Variants in SEC24D observed in about 807,000 individuals in gnomAD.
The protein encoded by SEC24D is SEC24 homolog D, COPII component.
SEC24D carries 69 observed loss-of-function variants against 116.9 expected under a neutral mutation model. The observed-to-expected ratio is 0.59, with a 90% CI of 0.49 to 0.72. The LOEUF is 0.72. SEC24D is among the 30% of genes least tolerant of loss of function. The probability of loss-of-function intolerance (pLI) is 0.00; values close to 1 mark genes in which losing one functional copy is unlikely to be tolerated. For missense variants in SEC24D, 1,131 were observed against 1,264.1 expected (o/e 0.89, Z 1.60); for synonymous variants, 405 against 442.8 (o/e 0.91, Z 1.07).
At position 118,750,863 on chromosome 4, in the gene SEC24D, T is replaced by C. The variant is rs545514339; in HGVS notation, c.1707+1133A>G. On this transcript the variant is annotated intron_variant, in intron 13 of 22. Transcript: ENST00000280551. Reference sequence around the variant, plus strand: ...AATTGACATATATTCTGAGACTTTTTGAGTGATATCCACAATAGTCTTTGA... The same window carrying C: ...AATTGACATATATTCTGAGACTTTTCGAGTGATATCCACAATAGTCTTTGA... 9.9e-5 allele frequency among the ~76,000 whole-genome samples: 15 copies of C among 152,148 alleles called. 1 individual carries two copies. In the South Asian group the frequency reaches 2.1e-3, roughly 21 times the overall value.
At chr4:118,739,414 A>G in intron 17 of SEC24D, 127 bp from the exon 18 acceptor site, 2 of 809,564 alleles carry the variant, frequency 2.5e-6, no homozygotes, top group Non-Finnish European at 3.7e-6. Context: ...ATTTTTCCAC[A>G]GTTTTTTTTC....
chr4:118,732,293 C>T (rs1452752065), intron 20 of SEC24D, among the ~76,000 whole-genome samples: 11 of 152,138 alleles, frequency 7.2e-5, no homozygotes, highest in South Asian at 6.2e-4. Context: ...CATACCACCA[C>T]GCCCGGCTAA....
intron 8 of SEC24D, among the ~76,000 whole-genome samples, chr4:118,785,707 C>T (rs1728638933): frequency 6.6e-6 from 1 of 152,154 alleles, no homozygotes; most frequent in Non-Finnish European, 1.5e-5. Context: ...TACCATGCAA[C>T]ATTCCTTTAA....
At chr4:118,768,391 G>A (rs1727743866) in intron 8 of SEC24D, 80 bp from the exon 9 acceptor site, 3 of 939,846 alleles carry the variant, frequency 3.2e-6, no homozygotes, top group Middle Eastern at 2.3e-4. Context: ...TCTTTTAATG[G>A]CACTTTTTTT....
At chr4:118,818,294 A>C (rs975218330) in intron 3 of SEC24D, among the ~76,000 whole-genome samples, 2 of 152,182 alleles carry the variant, frequency 1.3e-5, no homozygotes, top group Non-Finnish European at 2.9e-5. Flanking sequence ...TGAAAACTGG[A>C]AACTATTTCC....
chr4:118,743,880 A>G (rs1726358148), intron 15 of SEC24D, 108 bp downstream of exon 15: 8 of 973,720 alleles, frequency 8.2e-6, no homozygotes, highest in Non-Finnish European at 1.2e-5. Context: ...TCTTGAATTT[A>G]TATGTGTCAT....
At chr4:118,814,902 C>T in intron 6 of SEC24D, 126 bp downstream of exon 6, 1 of 1,047,434 alleles carries the variant, frequency 9.5e-7, no homozygotes, top group Non-Finnish European at 1.4e-6. Flanking sequence ...AGCCTTCCCT[C>T]TATGTGATGA....
chr4:118,811,502 C>A (rs186632552), intron 6 of SEC24D, among the ~76,000 whole-genome samples: 14 of 152,324 alleles, frequency 9.2e-5, no homozygotes, highest in African/African-American at 3.4e-4. Flanking sequence ...TTTAAACAGG[C>A]AGGCTTTGAG....
intron 19 of SEC24D, chr4:118,733,353 CATAT>C (rs1216169801): frequency 2.7e-5 from 4 of 149,740 alleles, no homozygotes; most frequent in South Asian, 2.1e-4. Context: ...TAGGATATAC[CATAT>C]ATATATGTTT....
chr4:118,774,624 G>A (rs1010889924), intron 8 of SEC24D, among the ~76,000 whole-genome samples: 2 of 151,992 alleles, frequency 1.3e-5, no homozygotes, highest in Non-Finnish European at 2.9e-5. Context: ...TTGCAGACTG[G>A]ATCTGTAGAA....
intron 3 of SEC24D, among the ~76,000 whole-genome samples, chr4:118,820,180 T>A (rs142179466): frequency 1.4e-4 from 20 of 140,226 alleles, no homozygotes; most frequent in Non-Finnish European, 1.6e-4. Flanking sequence ...TAGTTTAATT[T>A]TTTTTTTTTT....
At chr4:118,744,431 G>A (rs1244802324) in intron 14 of SEC24D, among the ~76,000 whole-genome samples, 1 of 152,208 alleles carries the variant, frequency 6.6e-6, no homozygotes. Context: ...AGCTGATACT[G>A]CAGCCCTTAC....
chr4:118,778,859 T>C (rs9685007), intron 8 of SEC24D, among the ~76,000 whole-genome samples: 44,112 of 152,024 alleles, frequency 0.29, 7,152 homozygotes, highest in Non-Finnish European at 0.37. Flanking sequence ...ATTCTCTTTG[T>C]AGCAACTGTG....
intron 11 of SEC24D, among the ~76,000 whole-genome samples, chr4:118,756,139 C>T (rs1440992573): frequency 6.6e-6 from 1 of 151,910 alleles, no homozygotes; most frequent in Non-Finnish European, 1.5e-5. Flanking sequence ...AGACCATTTC[C>T]AGCAATTAGA....
At chr4:118,810,135 T>TGTGTGTGC in intron 6 of SEC24D, among the ~76,000 whole-genome samples, 1 of 113,574 alleles carries the variant, frequency 8.8e-6, no homozygotes, top group African/African-American at 2.8e-5. Flanking sequence ...TGTGTGTGTG[T>TGTGTGTGC]GTCAGAGGGT....
At chr4:118,734,255 C>G (rs1413547211) in intron 19 of SEC24D, among the ~76,000 whole-genome samples, 3 of 151,204 alleles carry the variant, frequency 2.0e-5, no homozygotes, top group Non-Finnish European at 4.4e-5. Context: ...ACTCTGTTGC[C>G]CAGGCTGGAG....
chr4:118,777,710 A>G (rs545281688), intron 8 of SEC24D, among the ~76,000 whole-genome samples: 19 of 152,346 alleles, frequency 1.2e-4, no homozygotes, highest in Admixed American at 1.2e-3. Flanking sequence ...TGGTTGAACT[A>G]GTTTACACTC....
At chr4:118,821,192 A>G (rs1730386754) in intron 3 of SEC24D, among the ~76,000 whole-genome samples, 1 of 152,230 alleles carries the variant, frequency 6.6e-6, no homozygotes. Context: ...AGAAAAAACA[A>G]CTACTTCTCT....
chr4:118,731,537 A>ACTC lies in SEC24D; in HGVS notation c.2677-33_2677-31dup, dbSNP rs769284514. On this transcript the variant is annotated intron_variant, in intron 20 of 22. Coordinates refer to ENST00000280551, the MANE Select transcript of SEC24D (RefSeq NM_014822.4). ...GCAGGCACAGACAAAAGAGTTAGAA[A>ACTC]CTCCTTTCTTCCCCTTCCCTTCCCT... 5 of 1,591,692 alleles carry ACTC rather than the reference A, an allele frequency of 3.1e-6. No homozygotes were observed. In the East Asian group the frequency reaches 1.1e-4, roughly 36 times the overall value.
Sources: gnomAD v4.1 joint callset for allele counts (sites outside exome capture counted in the v4.1 genomes callset) on GRCh38, gnomAD v4.1.1 for gene constraint, MANE v1.5 for transcripts, NCBI Gene and HGNC (gene_info 2026-07-23, HGNC 2026-07-21) for gene names.